SLC1A7: variants seen among roughly 807,000 people sequenced by gnomAD.
The protein encoded by SLC1A7 is solute carrier family 1 member 7.
SLC1A7 carries 40 observed loss-of-function variants against 47.7 expected under a neutral mutation model. The ratio of observed to expected loss-of-function variants is 0.84; its 90% CI spans 0.65 to 1.09. SLC1A7 has a LOEUF of 1.09. SLC1A7 is among the 50% of genes least tolerant of loss of function. The probability of loss-of-function intolerance (pLI) is 0.00; values close to 1 mark genes in which losing one functional copy is unlikely to be tolerated. For missense variants in SLC1A7, 746 were observed against 769.5 expected (o/e 0.97, Z 0.36); for synonymous variants, 323 against 325.6 (o/e 0.99, Z 0.09).
intron 1 of SLC1A7, among the ~76,000 whole-genome samples, chr1:53,139,803 T>C (rs1645038331): frequency 6.6e-6 from 1 of 152,174 alleles, no homozygotes; most frequent in Non-Finnish European, 1.5e-5. Flanking sequence ...TTATTCTTGG[T>C]GGTTTTACCT....
At chr1:53,111,458 A>T (rs1378691279) in intron 3 of SLC1A7, among the ~76,000 whole-genome samples, 1 of 152,134 alleles carries the variant, frequency 6.6e-6, no homozygotes, top group African/African-American at 2.4e-5. Context: ...CAGTGCTGAG[A>T]ACAGAGGACA....
intron 6 of SLC1A7, among the ~76,000 whole-genome samples, chr1:53,093,099 G>A (rs555597664): frequency 6.6e-6 from 1 of 152,362 alleles, no homozygotes; most frequent in East Asian, 1.9e-4. Context: ...TCCCCACTGA[G>A]CTCCTGGACT....
chr1:53,089,683 C>T (rs1051198071), intron 9 of SLC1A7, 117 bp downstream of exon 9: 17 of 1,073,784 alleles, frequency 1.6e-5, no homozygotes, highest in East Asian at 9.5e-5. Context: ...CAGTGCCAAG[C>T]GGGGCAGTCC....
intron 3 of SLC1A7, among the ~76,000 whole-genome samples, chr1:53,107,350 A>G (rs1003748650): frequency 2.6e-5 from 4 of 152,156 alleles, no homozygotes; most frequent in African/African-American, 9.7e-5. Flanking sequence ...ATCCTGCAAC[A>G]GAGAAAAAGG....
At chr1:53,116,496 C>T (rs1469832962) in intron 2 of SLC1A7, among the ~76,000 whole-genome samples, 4 of 152,246 alleles carry the variant, frequency 2.6e-5, no homozygotes, top group African/African-American at 7.2e-5. Flanking sequence ...TGCTCATCCT[C>T]ATCTGCCAGG....
chr1:53,099,568 A>G (rs1644547550), intron 5 of SLC1A7, among the ~76,000 whole-genome samples: 1 of 98,902 alleles, frequency 1.0e-5, no homozygotes, highest in African/African-American at 3.5e-5. Context: ...GCCTCGGTAC[A>G]CTGACACATA....
At chr1:53,124,945 C>A (rs1644865922) in intron 2 of SLC1A7, among the ~76,000 whole-genome samples, 1 of 152,160 alleles carries the variant, frequency 6.6e-6, no homozygotes, top group Non-Finnish European at 1.5e-5. Context: ...AGCAAGCAGG[C>A]TACAGATTTA....
intron 3 of SLC1A7, among the ~76,000 whole-genome samples, chr1:53,109,883 A>C (rs1644684359): frequency 6.6e-6 from 1 of 152,194 alleles, no homozygotes; most frequent in African/African-American, 2.4e-5. Flanking sequence ...GTCTTCACCC[A>C]GAGCAGCAGC....
At chr1:53,107,080 C>T (rs773029554) in intron 3 of SLC1A7, among the ~76,000 whole-genome samples, 11 of 141,670 alleles carry the variant, frequency 7.8e-5, no homozygotes, top group Non-Finnish European at 1.4e-4. Context: ...TGCTTGAACC[C>T]GGGAGGCGGA....
Position 53,103,559 on chromosome 1 carries a change from T to C in SLC1A7, c.484A>G (p.Lys162Glu). ...VEATFKQYRT[K>E]TTPVVKSPKV... ...GGGGACTTGACAACTGGGGTGGTCT[T>C]GGTGCGGTACTGGTGGGTGACACCC... The change falls in exon 5 of 11, where the codon AAG (lysine) becomes GAG (glutamate). Residue 162 changes from lysine to glutamate, a missense_variant. By Grantham distance (56) the Lys-to-Glu change is moderately conservative. Coordinates refer to ENST00000371494, the MANE Select transcript of SLC1A7 (RefSeq NM_006671.6). The C allele has an allele frequency of 2.5e-6, 4 of 1,596,690 alleles. No individual in the cohort carries two copies. Among genetic ancestry groups the C allele is most frequent in the South Asian group, 1.1e-5 (1 of 87,990 alleles).
intron 2 of SLC1A7, among the ~76,000 whole-genome samples, chr1:53,132,958 G>A (rs931158): frequency 0.32 from 48,764 of 152,084 alleles, 8,091 homozygotes; most frequent in Middle Eastern, 0.46. Flanking sequence ...TCTCCATCTG[G>A]GGGCATTGGG....
At chr1:53,097,593 C>T (rs1644512450) in intron 5 of SLC1A7, among the ~76,000 whole-genome samples, 1 of 151,132 alleles carries the variant, frequency 6.6e-6, no homozygotes, top group Non-Finnish European at 1.5e-5. Context: ...ACACATACTG[C>T]CTCGGTACAC....
intron 5 of SLC1A7, among the ~76,000 whole-genome samples, chr1:53,101,021 T>G (rs1415883600): frequency 6.7e-6 from 1 of 148,750 alleles, no homozygotes; most frequent in African/African-American, 2.5e-5. Flanking sequence ...CTTTGTCCAC[T>G]CACACACCCC....
intron 5 of SLC1A7, chr1:53,102,678 C>T (rs36062616): frequency 0.19 from 28,205 of 152,290 alleles, 2,773 homozygotes; most frequent in Middle Eastern, 0.28. Context: ...GCAGGGACAG[C>T]CGTGGAAGTT....
chr1:53,115,035 G>A lies in SLC1A7; in HGVS notation c.216-62C>T, dbSNP rs1044591508. On this transcript the variant is annotated intron_variant, in intron 2 of 10. Transcript: ENST00000371494. Reference sequence around the variant, plus strand: ...GGCCAGGGCCTGGCTGGCACTCAGCGCTCACTCAGCCCCTCCTGGCCATGT... The same window carrying A: ...GGCCAGGGCCTGGCTGGCACTCAGCACTCACTCAGCCCCTCCTGGCCATGT... The A allele has an allele frequency of 3.0e-5, 40 of 1,313,360 alleles. No individual in the cohort carries two copies. In the African/African-American group the frequency reaches 3.9e-4, roughly 13 times the overall value. 81.4% of individuals were successfully genotyped at this position (1,313,360 alleles called of 1,614,324 possible).
Position 53,128,953 on chromosome 1 carries a change from C to T in SLC1A7, c.215+5397G>A, listed in dbSNP as rs1317897324. 5.7e-5 allele frequency among the ~76,000 whole-genome samples: 8 copies of T among 140,734 alleles called. 2 individuals carry two copies. The highest frequency in any genetic ancestry group is 1.4e-4 in the Admixed American group (2 of 13,888). 92.3% of individuals were successfully genotyped at this position (140,734 alleles called of 152,430 possible). On this transcript the variant is annotated intron_variant, in intron 2 of 10. Coordinates refer to ENST00000371494, the MANE Select transcript of SLC1A7 (RefSeq NM_006671.6). ...TAGCACTTTGGGAGGCCAAGGTGGG[C>T]GGATCACCTGAGGTCAGGAGTTCGA...
intron 8 of SLC1A7, chr1:53,090,200 A>C (rs1470353189): frequency 5.2e-6 from 3 of 579,380 alleles, no homozygotes; most frequent in Non-Finnish European, 6.2e-6. Flanking sequence ...TGTGGGTTCC[A>C]GGAAGCTATA....
At chr1:53,105,610 C>T (rs1007785969) in intron 4 of SLC1A7, 122 bp downstream of exon 4, 37 of 829,010 alleles carry the variant, frequency 4.5e-5, no homozygotes, top group Admixed American at 1.1e-4. Context: ...AGCATCCCAC[C>T]TCCAGCAGAC....
At chr1:53,122,721 T>C (rs1397145389) in intron 2 of SLC1A7, among the ~76,000 whole-genome samples, 1 of 152,106 alleles carries the variant, frequency 6.6e-6, no homozygotes, top group Non-Finnish European at 1.5e-5. Context: ...TCTGCTTGCA[T>C]ATCTCAGAGG....
Sources: allele counts gnomAD v4.1 joint callset (sites outside exome capture counted in the v4.1 genomes callset), GRCh38; gene constraint gnomAD v4.1.1; transcripts MANE v1.5; gene names NCBI Gene and HGNC (gene_info 2026-07-23, HGNC 2026-07-21).